Variants in ADARB1 observed in about 807,000 individuals in gnomAD.
The protein encoded by ADARB1 is adenosine deaminase RNA specific B1.
In ADARB1, 10 loss-of-function variants were observed where a neutral mutation model predicts 52.4. That is an observed-to-expected ratio of 0.19 (90% CI 0.12 to 0.32). The LOEUF is 0.32. Ranked by LOEUF, ADARB1 falls within the 10% of genes least tolerant of loss-of-function variation. ADARB1 has a pLI of 1.00. For missense variants in ADARB1, 643 were observed against 922.3 expected, an observed-to-expected ratio of 0.70 and a Z score of 3.92; for synonymous variants, 349 against 371.1, an observed-to-expected ratio of 0.94 and a Z score of 0.68.
rs1046142851 is a variant in ADARB1 at position 45,204,147 on chromosome 21, T to G, written c.1566-408T>G. 6.6e-6 allele frequency among the ~76,000 whole-genome samples: 1 copy of G among 152,174 alleles called. No homozygotes were observed. Among genetic ancestry groups the G allele is most frequent in the Non-Finnish European group, 1.5e-5 (1 of 68,034 alleles). On this transcript the variant is annotated intron_variant, in intron 8 of 10. Coordinates refer to ENST00000348831, the MANE Select transcript of ADARB1 (RefSeq NM_001112.4). This position sits in a 1 kb window ranked among gnomAD's most constrained non-coding sequence, Gnocchi z 4.4. The stretch of plus-strand genomic sequence containing the variant: ...CGGCATACAGTTGAAAGTCTGGAAG[T>G]GTTTATTTCTGGAATTTTTCATTTA...
intron 8 of ADARB1, among the ~76,000 whole-genome samples, chr21:45,197,469 C>T (rs2092450794): frequency 6.7e-6 from 1 of 149,974 alleles, no homozygotes. Flanking sequence ...CACTGCGCTC[C>T]AGCCTGGGGA....
At chr21:45,115,362 G>C (rs1459277865) in intron 1 of ADARB1, among the ~76,000 whole-genome samples, 1 of 152,198 alleles carries the variant, frequency 6.6e-6, no homozygotes, top group East Asian at 1.9e-4. Flanking sequence ...GCTGTGATGG[G>C]AAAGCTGTCT....
intron 1 of ADARB1, among the ~76,000 whole-genome samples, chr21:45,110,706 T>C (rs1009583943): frequency 2.6e-5 from 4 of 152,190 alleles, no homozygotes; most frequent in Non-Finnish European, 4.4e-5. Context: ...GCTGTCAGGA[T>C]TCATTTATTT....
chr21:45,145,533 T>C (rs2089964190), intron 2 of ADARB1: 1 of 152,248 alleles, frequency 6.6e-6, no homozygotes, highest in African/African-American at 2.4e-5. Flanking sequence ...TGGAACCCTG[T>C]GCTGGCTATA....
Position 45,175,344 on chromosome 21 carries a change from G to A in ADARB1, c.29-386G>A, listed in dbSNP as rs76265448. 9.3e-3 allele frequency among the ~76,000 whole-genome samples: 1,421 copies of A among 152,032 alleles called. 22 individuals are homozygous for A. The highest frequency in any genetic ancestry group is 0.033 in the African/African-American group (1,351 of 41,510). On this transcript the variant is annotated intron_variant, in intron 3 of 10. Transcript: ENST00000348831. ...TTTATCCATATATTGATATTAAATT[G>A]TCATTTCATTAGACTTATTAATGTA...
rs146552108 is a variant in ADARB1 at position 45,105,189 on chromosome 21, C to T, written c.-219-23213C>T. Among the ~76,000 whole-genome samples, 689 of 152,274 alleles carry T rather than the reference C, an allele frequency of 4.5e-3. 8 individuals are homozygous for T. The highest frequency in any genetic ancestry group is 8.8e-3 in the Admixed American group (135 of 15,292). ...GATCTTGGCTCACCAAAACCTCTAC[C>T]TCCTGGGGTCAAGCAATTCTCCTGC... is the stretch of plus-strand genomic sequence containing the variant. On this transcript the variant is annotated intron_variant, in intron 1 of 10. Coordinates refer to ENST00000348831, the MANE Select transcript of ADARB1 (RefSeq NM_001112.4).
Position 45,183,424 on chromosome 21 carries a change from A to G in ADARB1, c.1310A>G (p.Lys437Arg). 1 of 1,612,690 alleles carries G rather than the reference A, an allele frequency of 6.2e-7. No individual in the cohort carries two copies. The highest frequency in any genetic ancestry group is 8.5e-7 in the Non-Finnish European group (1 of 1,179,612). The change falls in exon 7 of 11, where the codon AAG becomes AGG. Residue 437 changes from lysine (K) to arginine (R), a missense_variant. Lys to Arg is a conservative substitution (Grantham distance 26). Around this residue, in one of 2 missense-constraint regions of ADARB1, gnomAD observed 263 missense variants for 475.8 expected, o/e 0.55. Coordinates refer to ENST00000348831, the MANE Select transcript of ADARB1 (RefSeq NM_001112.4). ...TCAGAGCGAGGGGGGTTTAGGCTGA[A>G]GGAGAATGTCCAGTTTCATCTGTAC... ...QKSERGGFRLKENVQFHLYIS... is the reference protein window; with the variant it reads ...QKSERGGFRLRENVQFHLYIS...
At chr21:45,206,877 G>A (rs1294340994) in intron 9 of ADARB1, among the ~76,000 whole-genome samples, 3 of 152,028 alleles carry the variant, frequency 2.0e-5, no homozygotes, top group Admixed American at 1.3e-4. Flanking sequence ...CCTGGCCTCC[G>A]TTATCTCTAA....
chr21:45,163,013 G>A (rs117309542), intron 2 of ADARB1, among the ~76,000 whole-genome samples: 1,760 of 152,284 alleles, frequency 0.012, 38 homozygotes, highest in East Asian at 0.11. Flanking sequence ...TTGCCCACTC[G>A]GCCAACTGTC....
At chr21:45,084,435 C>A (rs901605187) in intron 1 of ADARB1, among the ~76,000 whole-genome samples, 3 of 152,112 alleles carry the variant, frequency 2.0e-5, no homozygotes, top group African/African-American at 7.2e-5. Context: ...AGGGGTTAAG[C>A]GGGCTTAGGA....
At chr21:45,144,991 C>CT (rs1265876255) in intron 2 of ADARB1, 1 of 176,770 alleles carries the variant, frequency 5.7e-6, no homozygotes, top group Non-Finnish European at 1.2e-5. Context: ...CCATTTTAAT[C>CT]TAACTTTTTA....
chr21:45,171,070 G>C (rs901477488), intron 2 of ADARB1, among the ~76,000 whole-genome samples: 3 of 152,218 alleles, frequency 2.0e-5, no homozygotes, highest in African/African-American at 7.2e-5. Flanking sequence ...TTAGTTTACA[G>C]CTGGAAGCCA....
intron 8 of ADARB1, among the ~76,000 whole-genome samples, chr21:45,187,844 C>T (rs1466786019): frequency 6.6e-6 from 1 of 152,194 alleles, no homozygotes; most frequent in African/African-American, 2.4e-5. Context: ...ACCATCCTTG[C>T]ATTCCAGGAG....
chr21:45,084,331 C>T (rs1474559223), intron 1 of ADARB1, among the ~76,000 whole-genome samples: 1 of 152,202 alleles, frequency 6.6e-6, no homozygotes, highest in Admixed American at 6.5e-5. Flanking sequence ...CCGAGGCTCA[C>T]GCGAGGCTGG....
intron 8 of ADARB1, among the ~76,000 whole-genome samples, chr21:45,186,687 CATTT>C (rs1054734397): frequency 6.4e-4 from 98 of 152,108 alleles, no homozygotes; most frequent in African/African-American, 2.2e-3. Flanking sequence ...ATCATTTGTT[CATTT>C]GTCTTTTGAA....
chr21:45,084,357 C>T (rs2086260353), intron 1 of ADARB1, among the ~76,000 whole-genome samples: 1 of 152,216 alleles, frequency 6.6e-6, no homozygotes, highest in African/African-American at 2.4e-5. Flanking sequence ...GGCAGAGAGT[C>T]CTGTCCCTTC....
chr21:45,121,287 G>A (rs149300809), intron 1 of ADARB1, among the ~76,000 whole-genome samples: 2 of 152,274 alleles, frequency 1.3e-5, no homozygotes, highest in African/African-American at 4.8e-5. Context: ...AGTTCTTCTG[G>A]AATGTGTCCC....
At position 45,208,667 on chromosome 21, in the gene ADARB1, C is replaced by T. The variant is rs552676514; in HGVS notation, c.1747+3931C>T. ...GTGCATGTGAGTGTGTGCATGAGTG[C>T]GTGTGTGTATGAGTGTGTGTGCATG... is the stretch of plus-strand genomic sequence containing the variant. On this transcript the variant is annotated intron_variant, in intron 9 of 10. Coordinates refer to ENST00000348831, the MANE Select transcript of ADARB1 (RefSeq NM_001112.4). The surrounding 1 kb of genome is among the most constrained non-coding windows in gnomAD (Gnocchi z 5.6). 2.2e-4 allele frequency among the ~76,000 whole-genome samples: 33 copies of T among 150,904 alleles called. No individual in the cohort carries two copies. The highest frequency in any genetic ancestry group is 9.7e-4 in the East Asian group (5 of 5,138).
rs2091698573 is a variant in ADARB1, at chr21:45,176,426, A to C, written c.725A>C (p.Glu242Ala). The C allele has an allele frequency of 1.2e-6, 2 of 1,613,992 alleles. No individual in the cohort carries two copies. Among genetic ancestry groups the C allele is most frequent in the African/African-American group, 1.3e-5 (1 of 74,876 alleles). The change falls in exon 4 of 11, where the codon GAA becomes GCA. Residue 242 changes from glutamate (E) to alanine (A), a missense_variant. Glu to Ala is a moderately radical substitution (Grantham distance 107, BLOSUM62 -1). Around this residue, in one of 2 missense-constraint regions of ADARB1, gnomAD observed 380 missense variants for 446.5 expected, o/e 0.85. Coordinates refer to ENST00000348831, the MANE Select transcript of ADARB1 (RefSeq NM_001112.4). This position sits in a 1 kb window ranked among gnomAD's most constrained non-coding sequence, Gnocchi z 5.8. Reference sequence around the variant, plus strand: ...AAGAATCCCGTGATGATCTTGAACGAACTGCGCCCAGGACTCAAGTATGAC... The same window carrying C: ...AAGAATCCCGTGATGATCTTGAACGCACTGCGCCCAGGACTCAAGTATGAC... ...SGKNPVMILNELRPGLKYDFL... is the reference protein window; with the variant it reads ...SGKNPVMILNALRPGLKYDFL...
Sources: allele counts gnomAD v4.1 joint callset (sites outside exome capture counted in the v4.1 genomes callset), GRCh38; gene constraint gnomAD v4.1.1; regional missense constraint gnomAD v4.1.1; non-coding constraint Gnocchi (gnomAD v3.1); transcripts MANE v1.5; gene names NCBI Gene and HGNC (gene_info 2026-07-23, HGNC 2026-07-21).